Variants in ZNF880 observed in about 807,000 individuals in gnomAD.
ZNF880 encodes zinc finger protein LOC400713.
Under a neutral mutation model 11.8 loss-of-function variants are expected in ZNF880, and 12 were observed. That is an observed-to-expected ratio of 1.02 (90% CI 0.65 to 1.65). ZNF880 has a LOEUF of 1.65. ZNF880 is among the 40% of genes most tolerant of loss of function. The pLI, the probability that ZNF880 is intolerant of heterozygous loss-of-function variation, is 0.00. For synonymous variants in ZNF880, 210 were observed against 232.4 expected, an observed-to-expected ratio of 0.90 and a Z score of 0.88; for missense variants, 601 against 673.9, an observed-to-expected ratio of 0.89 and a Z score of 1.20.
At chr19:52,382,200 T>C (rs551131398) in intron 3 of ZNF880, among the ~76,000 whole-genome samples, 1 of 151,796 alleles carries the variant, frequency 6.6e-6, no homozygotes, top group Non-Finnish European at 1.5e-5. Context: ...TTGTTTGAGC[T>C]TGGGAGGGGG....
the ZNF880 span, chr19:52,394,664 T>C: frequency 6.6e-6 from 1 of 152,240 alleles, no homozygotes; most frequent in Non-Finnish European, 1.5e-5. Flanking sequence ...TTCCTATTGC[T>C]ATACACAGTG....
At chr19:52,390,299 G>T (rs536341269), downstream of ZNF880, 23 of 377,840 alleles carry the variant, frequency 6.1e-5, no homozygotes, top group Middle Eastern at 3.7e-4. Context: ...CCGCTCCCTC[G>T]TCAGCTCCTG....
At chr19:52,374,650 A>T (rs1236177156) in intron 3 of ZNF880, 1 of 676,680 alleles carries the variant, frequency 1.5e-6, no homozygotes, top group African/African-American at 1.8e-5. Context: ...CCACACTTTG[A>T]GTTTCTGTTT....
intron 1 of ZNF880, 69 bp downstream of exon 1, chr19:52,370,046 CA>C (rs1986316691): frequency 2.0e-6 from 3 of 1,538,372 alleles, no homozygotes; most frequent in South Asian, 2.4e-5. Context: ...CCCGGCATCT[CA>C]GGGGTCACAC....
At chr19:52,379,571 T>A (rs10445585) in intron 3 of ZNF880, 138,627 of 364,620 alleles carry the variant, frequency 0.38, 27,312 homozygotes, top group South Asian at 0.51. Flanking sequence ...TCATTTTTAA[T>A]TTTTTTAGAG....
rs778858209 is a variant in ZNF880, at chr19:52,384,187, C to A, written c.607C>A (p.Gln203Lys). 6.2e-7 allele frequency: 1 copy of A among 1,610,866 alleles called. No individual in the cohort carries two copies. The highest frequency in any genetic ancestry group is 8.5e-7 in the Non-Finnish European group (1 of 1,178,288). ...FRVSSRLANNQVIHTADNPYK... is the reference protein window; with the variant it reads ...FRVSSRLANNKVIHTADNPYK... The stretch of plus-strand genomic sequence containing the variant: ...AGTGTCTTCAAGACTTGCTAACAAT[C>A]AAGTAATCCACACTGCAGATAACCC... The change falls in exon 4 of 4, where the codon CAA (glutamine) becomes AAA (lysine). Residue 203 changes from glutamine to lysine, a missense_variant. Physicochemically the swap from Gln to Lys is moderately conservative, Grantham distance 53. This residue lies in a region of ZNF880 where 420 missense variants were observed against 442.6 expected (regional missense o/e 0.95). Transcript: ENST00000422689.
At chr19:52,395,011 C>G in the ZNF880 span, among the ~76,000 whole-genome samples, 4 of 152,280 alleles carry the variant, frequency 2.6e-5, no homozygotes, top group East Asian at 5.8e-4. Flanking sequence ...TTATCTAGAC[C>G]ACATTTGCAA....
At chr19:52,383,354 G>A (rs1335639038) in intron 3 of ZNF880, among the ~76,000 whole-genome samples, 1 of 152,044 alleles carries the variant, frequency 6.6e-6, no homozygotes, top group Admixed American at 6.6e-5. Flanking sequence ...CCTTTTGTAG[G>A]CCTCGTAATT....
chr19:52,383,652 C>T (rs11084157), intron 3 of ZNF880, among the ~76,000 whole-genome samples, 197 bp from the exon 4 acceptor site: 2 of 151,980 alleles, frequency 1.3e-5, no homozygotes, highest in Admixed American at 1.3e-4. Context: ...CATAATCCAC[C>T]TGACTCCTGC....
At chr19:52,395,287 G>A in the ZNF880 span, among the ~76,000 whole-genome samples, 1 of 152,070 alleles carries the variant, frequency 6.6e-6, no homozygotes, top group Non-Finnish European at 1.5e-5. Context: ...GTGATAAGAG[G>A]GGACATTCTT....
chr19:52,392,973 C>T, the ZNF880 span, among the ~76,000 whole-genome samples: 2 of 152,060 alleles, frequency 1.3e-5, no homozygotes, highest in Non-Finnish European at 2.9e-5. Context: ...AGGTGTGAGC[C>T]ACTGCACCCT....
At chr19:52,369,462 A>G (rs1986283108), upstream of ZNF880, among the ~76,000 whole-genome samples, 1 of 151,472 alleles carries the variant, frequency 6.6e-6, no homozygotes, top group South Asian at 2.1e-4. Flanking sequence ...CAATTCAAGG[A>G]CTTTAAAATT....
chr19:52,386,044 A>G (rs1215103893), downstream of ZNF880, among the ~76,000 whole-genome samples: 2 of 142,132 alleles, frequency 1.4e-5, no homozygotes, highest in Non-Finnish European at 3.1e-5. Flanking sequence ...GCATGGTGGC[A>G]GACGCCTGTA....
chr19:52,383,972 G>A lies in ZNF880; in HGVS notation c.392G>A (p.Cys131Tyr), dbSNP rs1051536413. Residue 131 changes from cysteine (C) to tyrosine (Y), a missense_variant, in exon 4 of 4, where the codon TGT becomes TAT. This residue lies in a region of ZNF880 where 420 missense variants were observed against 442.6 expected (regional missense o/e 0.95). Transcript: ENST00000422689. ...CAAGCTGAAAGGAATATTTCTGGAT[G>A]TAAACATGTCGAAAAACCTATCAAC... ...LFQAERNISG[C>Y]KHVEKPINNS... is the part of the protein sequence containing the mutation. The A allele has an allele frequency of 2.6e-6, 4 of 1,550,418 alleles. No homozygotes were observed. The highest frequency in any genetic ancestry group is 2.8e-5 in the African/African-American group (2 of 72,452).
At chr19:52,395,476 T>A in the ZNF880 span, 1 of 152,214 alleles carries the variant, frequency 6.6e-6, no homozygotes, top group African/African-American at 2.4e-5. Context: ...TCCACATCCT[T>A]GCTTGTGAAG....
At chr19:52,370,599 C>A (rs1320226705) in intron 1 of ZNF880, 1 of 152,398 alleles carries the variant, frequency 6.6e-6, no homozygotes, top group Non-Finnish European at 1.5e-5. Flanking sequence ...CTCTGGACAA[C>A]ATAGTGAGAC....
In ZNF880 at chr19:52,385,405, GCAAACTCTT is replaced by G; in HGVS notation, c.*94_*102del. The G allele has an allele frequency of 7.3e-7, 1 of 1,370,824 alleles. No individual in the cohort carries two copies. The allele number at this position is 1,370,824 out of a possible 1,614,324, so 84.9% of individuals were successfully genotyped here. A position where few individuals can be genotyped will look rare whatever the true frequency, so the allele number is the denominator to read the frequency against. ...AGAGAGTTCTTACAAACTGAGTATG[GCAAACTCTT>G]CATGCTAAGTTCTAGCATTAATCAA... On this transcript the variant is annotated 3_prime_UTR_variant, in exon 4 of 4. Coordinates refer to ENST00000422689, the MANE Select transcript of ZNF880 (RefSeq NM_001145434.2).
chr19:52,384,426 C>T lies in ZNF880; in HGVS notation c.846C>T (p.His282=). 1.2e-6 allele frequency: 2 copies of T among 1,614,078 alleles called. No homozygotes were observed. The highest frequency in any genetic ancestry group is 2.2e-5 in the South Asian group (2 of 91,072). Residue 282 remains histidine, a synonymous_variant, in exon 4 of 4, where the codon CAC becomes CAT. Coordinates refer to ENST00000422689, the MANE Select transcript of ZNF880 (RefSeq NM_001145434.2). ...ECGKVFTQNS[H]LANHHRIHTG... is the part of the protein sequence containing the mutation. ...GCAAAGTCTTCACTCAAAATTCTCA[C>T]CTTGCAAATCATCACAGAATCCACA...
In ZNF880 at chr19:52,384,678, C is replaced by T; in HGVS notation, c.1098C>T (p.His366=). 1 of 1,611,984 alleles carries T rather than the reference C, an allele frequency of 6.2e-7. No individual in the cohort carries two copies. The highest frequency in any genetic ancestry group is 1.3e-5 in the African/African-American group (1 of 74,620). ...GCAAGGTCTTCAATCGAAATGCACA[C>T]CTTACCAGACATCAAAGAATCCATA... ...KCGKVFNRNA[H]LTRHQRIHTG... The change falls in exon 4 of 4, where the codon CAC becomes CAT. Residue 366 remains histidine, a synonymous_variant. Coordinates refer to ENST00000422689, the MANE Select transcript of ZNF880 (RefSeq NM_001145434.2).
Sources: gnomAD v4.1 joint callset for allele counts (sites outside exome capture counted in the v4.1 genomes callset) on GRCh38, gnomAD v4.1.1 for gene constraint, gnomAD v4.1.1 regional missense constraint, MANE v1.5 for transcripts, NCBI Gene and HGNC (gene_info 2026-07-23, HGNC 2026-07-21) for gene names.